Variants in PPME1 observed in about 807,000 individuals in gnomAD.
The protein encoded by PPME1 is testicular secretory protein Li 39.
PPME1 carries 17 observed loss-of-function variants against 56.9 expected under a neutral mutation model. The observed-to-expected ratio is 0.30, with a 90% CI of 0.20 to 0.45. The LOEUF (loss-of-function observed/expected upper bound fraction) is 0.45. Among genes scored for constraint, PPME1 ranks in the 20% least tolerant of loss-of-function variants. The probability of loss-of-function intolerance (pLI) is 1.00; values close to 1 mark genes in which losing one functional copy is unlikely to be tolerated. For synonymous variants in PPME1, 122 were observed against 156.2 expected (o/e 0.78, Z 1.63); for missense variants, 357 against 483.2 (o/e 0.74, Z 2.45).
At position 74,204,401 on chromosome 11, in the gene PPME1, C is replaced by G; in HGVS notation, c.244C>G (p.Leu82Val). Residue 82 changes from leucine (L) to valine (V), a missense_variant, in exon 3 of 14, where the codon CTG becomes GTG. Physicochemically the swap from Leu to Val is conservative, Grantham distance 32. This residue lies in a region of PPME1 where 175 missense variants were observed against 189.4 expected (regional missense o/e 0.92). Transcript: ENST00000328257. ...SGSEGPVLLL[L>V]HGGGHSALSW... is the part of the protein sequence containing the mutation. ...TTCAGAGGGTCCAGTCCTGCTCCTT[C>G]TGCATGGAGGAGGTCATTCTGCCCT... is the stretch of plus-strand genomic sequence containing the variant. 4 of 1,613,544 alleles carry G rather than the reference C, an allele frequency of 2.5e-6. No individual in the cohort carries two copies. Among genetic ancestry groups the G allele is most frequent in the Non-Finnish European group, 3.4e-6 (4 of 1,179,602 alleles).
chr11:74,203,846 C>A, intron 2 of PPME1, 25 bp downstream of exon 2: 1 of 1,488,122 alleles, frequency 6.7e-7, no homozygotes, highest in Non-Finnish European at 9.3e-7. Flanking sequence ...ATGGCTTATT[C>A]TTTAGTGAGC....
intron 3 of PPME1, among the ~76,000 whole-genome samples, chr11:74,217,277 C>T (rs1011808787): frequency 6.6e-6 from 1 of 152,096 alleles, no homozygotes; most frequent in Non-Finnish European, 1.5e-5. Flanking sequence ...CACAGTGGCT[C>T]GTGCCTGTAA....
intron 1 of PPME1, among the ~76,000 whole-genome samples, chr11:74,183,174 A>G (rs1419640581): frequency 6.6e-6 from 1 of 151,128 alleles, no homozygotes; most frequent in African/African-American, 2.4e-5. Flanking sequence ...GCATGTCCCT[A>G]TAGTCCCAGC....
At chr11:74,245,667 T>G (rs764757864) in intron 9 of PPME1, among the ~76,000 whole-genome samples, 2 of 152,206 alleles carry the variant, frequency 1.3e-5, no homozygotes, top group Non-Finnish European at 2.9e-5. Context: ...CTAACTTAGA[T>G]GACATGTTGT....
intron 1 of PPME1, among the ~76,000 whole-genome samples, chr11:74,177,287 C>G (rs1857422955): frequency 6.6e-6 from 1 of 151,982 alleles, no homozygotes; most frequent in African/African-American, 2.4e-5. Context: ...ATGGTGAAAC[C>G]TCTTCTCTAC....
chr11:74,171,403 T>C lies in PPME1; in HGVS notation c.-19T>C. Reference sequence around the variant, plus strand: ...AAGCTTCGCCTACTGTTTGACTACGTGCGTGCAGCCTCCCCTCGATGTCGG... The same window carrying C: ...AAGCTTCGCCTACTGTTTGACTACGCGCGTGCAGCCTCCCCTCGATGTCGG... On this transcript the variant is annotated 5_prime_UTR_variant, in exon 1 of 14. Transcript: ENST00000328257. The C allele has an allele frequency of 1.2e-6, 2 of 1,603,400 alleles. No individual in the cohort carries two copies. The highest frequency in any genetic ancestry group is 1.7e-6 in the Non-Finnish European group (2 of 1,175,212).
At chr11:74,206,929 A>C (rs76608018) in intron 3 of PPME1, among the ~76,000 whole-genome samples, 47 of 152,340 alleles carry the variant, frequency 3.1e-4, no homozygotes, top group African/African-American at 1.1e-3. Context: ...TACTATGCTA[A>C]GTGCTTAAGT....
intron 3 of PPME1, among the ~76,000 whole-genome samples, 163 bp downstream of exon 3, chr11:74,204,608 CA>C (rs1858278379): frequency 6.6e-6 from 1 of 151,682 alleles, no homozygotes; most frequent in Admixed American, 6.6e-5. Context: ...GTCTGAAGAA[CA>C]AAGAGAAGGT....
intron 7 of PPME1, among the ~76,000 whole-genome samples, chr11:74,232,832 A>G (rs535333003): frequency 6.7e-6 from 1 of 149,422 alleles, no homozygotes; most frequent in Admixed American, 6.6e-5. Flanking sequence ...GCTGTGCACC[A>G]CGATGCCCAG....
chr11:74,194,558 A>ACC (rs1443263672), intron 1 of PPME1, among the ~76,000 whole-genome samples: 4 of 151,196 alleles, frequency 2.6e-5, no homozygotes, highest in African/African-American at 9.7e-5. Context: ...AATATATAAG[A>ACC]TCATTATATA....
intron 3 of PPME1, among the ~76,000 whole-genome samples, chr11:74,218,236 C>G (rs1257828482): frequency 6.6e-6 from 1 of 151,918 alleles, no homozygotes; most frequent in Non-Finnish European, 1.5e-5. Flanking sequence ...GTATAAAACA[C>G]TGATGAAAGA....
chr11:74,171,297 T>TAG lies in PPME1; in HGVS notation c.-124_-123dup. The TAG allele has an allele frequency of 6.6e-7, 1 of 1,507,072 alleles. No individual in the cohort carries two copies. Among genetic ancestry groups the TAG allele is most frequent in the South Asian group, 1.3e-5 (1 of 78,404 alleles). 93.4% of individuals were successfully genotyped at this position (1,507,072 alleles called of 1,614,324 possible). ...GGTGGGCGGTAGGCGGTGCTACGGG[T>TAG]AGCTGGGTGCTGTCCAAAGGCGACA... On this transcript the variant is annotated 5_prime_UTR_variant, in exon 1 of 14. Coordinates refer to ENST00000328257, the MANE Select transcript of PPME1 (RefSeq NM_016147.3).
Position 74,230,102 on chromosome 11 carries a change from C to A in PPME1, c.399-143C>A. ...TGCTGGGGACATGTTAGAAGGTTTA[C>A]ATAGGTATGTTTGTAAGATGGCCCA... On this transcript the variant is annotated intron_variant, in intron 5 of 13. Coordinates refer to ENST00000328257, the MANE Select transcript of PPME1 (RefSeq NM_016147.3). This position sits in a 1 kb window ranked among gnomAD's most constrained non-coding sequence, Gnocchi z 4.9. The A allele has an allele frequency of 3.6e-6, 3 of 824,998 alleles. No homozygotes were observed. The highest frequency in any genetic ancestry group is 5.6e-6 in the Non-Finnish European group (3 of 535,164). The allele number at this position is 824,998 out of a possible 1,614,324, so 51.1% of individuals were successfully genotyped here. A position where few individuals can be genotyped will look rare whatever the true frequency, so the allele number is the denominator to read the frequency against.
At chr11:74,195,489 C>T (rs987608211) in intron 1 of PPME1, among the ~76,000 whole-genome samples, 2 of 152,156 alleles carry the variant, frequency 1.3e-5, no homozygotes, top group African/African-American at 4.8e-5. Context: ...CCAGATACAT[C>T]ACAGTTTGTA....
At chr11:74,219,940 A>G (rs997075355) in intron 3 of PPME1, among the ~76,000 whole-genome samples, 19 of 152,122 alleles carry the variant, frequency 1.2e-4, no homozygotes, top group African/African-American at 4.3e-4. Context: ...GAAAGGATAA[A>G]TGCTTAAAGT....
chr11:74,184,827 G>T (rs1487825602), intron 1 of PPME1, among the ~76,000 whole-genome samples: 4 of 151,994 alleles, frequency 2.6e-5, no homozygotes. Context: ...TGTTTCCCTA[G>T]TGCCTAGGAA....
chr11:74,232,237 T>C (rs1859085702), intron 7 of PPME1, among the ~76,000 whole-genome samples: 1 of 152,256 alleles, frequency 6.6e-6, no homozygotes, highest in Non-Finnish European at 1.5e-5. Context: ...TTAATGTCTG[T>C]CTTAATGCCC....
chr11:74,203,607 A>T (rs1858232997), intron 1 of PPME1, 121 bp from the exon 2 acceptor site: 5 of 600,936 alleles, frequency 8.3e-6, no homozygotes, highest in Non-Finnish European at 1.4e-5. Context: ...AACTCTTTAT[A>T]TCTTTAAGAG....
intron 5 of PPME1, among the ~76,000 whole-genome samples, chr11:74,228,490 A>G (rs947711270): frequency 1.1e-4 from 16 of 152,138 alleles, no homozygotes; most frequent in African/African-American, 3.1e-4. Context: ...AATTTTTGCA[A>G]TCAGAACTTG....
Sources: allele counts gnomAD v4.1 joint callset (sites outside exome capture counted in the v4.1 genomes callset), GRCh38; gene constraint gnomAD v4.1.1; regional missense constraint gnomAD v4.1.1; non-coding constraint Gnocchi (gnomAD v3.1); transcripts MANE v1.5; gene names NCBI Gene and HGNC (gene_info 2026-07-23, HGNC 2026-07-21).